Variants in SSBP3 observed in about 807,000 individuals in gnomAD.
The protein encoded by SSBP3 is single stranded DNA binding protein 3.
In SSBP3, 5 loss-of-function variants were observed where a neutral mutation model predicts 69.6. The observed-to-expected ratio is 0.07, with a 90% CI of 0.04 to 0.15. SSBP3 has a LOEUF of 0.15. SSBP3 is among the 10% of genes least tolerant of loss of function. The pLI, the probability that SSBP3 is intolerant of heterozygous loss-of-function variation, is 1.00. For missense variants in SSBP3, 312 were observed against 534.0 expected (o/e 0.58, Z 4.10); for synonymous variants, 196 against 193.4 (o/e 1.01, Z -0.11).
chr1:54,404,473 G>A, intron 3 of SSBP3, 103 bp downstream of exon 3: 7 of 1,404,806 alleles, frequency 5.0e-6, no homozygotes, highest in Non-Finnish European at 5.0e-6. Flanking sequence ...AACGCAGAGG[G>A]CCACAGGGCG....
Position 54,244,263 on chromosome 1 carries a change from C to T in SSBP3, c.652-964G>A, listed in dbSNP as rs539812422. Among the ~76,000 whole-genome samples, 367 of 152,280 alleles carry T rather than the reference C, an allele frequency of 2.4e-3. 1 individual carries two copies. Among genetic ancestry groups the T allele is most frequent in the African/African-American group, 8.3e-3 (346 of 41,550 alleles). On this transcript the variant is annotated intron_variant, in intron 9 of 17. Transcript: ENST00000610401. Reference sequence around the variant, plus strand: ...GGATTATAGGCGCCCACGACCATGTCGGGCTGATATTTGTATTTTTAGTAG... The same window carrying T: ...GGATTATAGGCGCCCACGACCATGTTGGGCTGATATTTGTATTTTTAGTAG...
chr1:54,327,292 C>T (rs1646327596), intron 4 of SSBP3, among the ~76,000 whole-genome samples: 1 of 150,826 alleles, frequency 6.6e-6, no homozygotes, highest in South Asian at 2.1e-4. Context: ...AGAACAACAA[C>T]AAAAAACCCC....
rs555488598 is a variant in SSBP3, at chr1:54,317,154, G to A, written c.277-35627C>T. Among the ~76,000 whole-genome samples, 5 of 152,266 alleles carry A rather than the reference G, an allele frequency of 3.3e-5. No individual in the cohort carries two copies. The East Asian group carries it at 9.6e-4, about 29-fold the overall frequency. The stretch of plus-strand genomic sequence containing the variant: ...ATGTACAATGGCAGGGTGGAGAGAT[G>A]GAGGACAGGAAGGAATCGCCAATTA... On this transcript the variant is annotated intron_variant, in intron 4 of 17. Transcript: ENST00000610401.
chr1:54,256,312 T>C (rs1325603360), intron 7 of SSBP3, among the ~76,000 whole-genome samples: 6 of 152,186 alleles, frequency 3.9e-5, no homozygotes, highest in Non-Finnish European at 5.9e-5. Context: ...ATAATTCTGT[T>C]TTAAAAAATT....
chr1:54,307,739 T>C (rs1645926172), intron 4 of SSBP3, among the ~76,000 whole-genome samples: 1 of 152,168 alleles, frequency 6.6e-6, no homozygotes, highest in African/African-American at 2.4e-5. Context: ...GAGTGACCTC[T>C]GGTCGTCCTC....
chr1:54,377,021 A>T (rs1289904978), intron 4 of SSBP3, among the ~76,000 whole-genome samples: 2 of 151,940 alleles, frequency 1.3e-5, no homozygotes, highest in Non-Finnish European at 2.9e-5. Context: ...CTACAGAATG[A>T]GAGAGAGGTA....
chr1:54,353,742 T>C (rs59789144), intron 4 of SSBP3, among the ~76,000 whole-genome samples: 2,040 of 152,240 alleles, frequency 0.013, 44 homozygotes, highest in African/African-American at 0.047. Context: ...GCAAACCCTG[T>C]GGAACTACAC....
intron 4 of SSBP3, among the ~76,000 whole-genome samples, chr1:54,330,176 A>G (rs1052081665): frequency 1.3e-5 from 2 of 152,104 alleles, no homozygotes; most frequent in Admixed American, 6.5e-5. Flanking sequence ...CTGAAAATCA[A>G]CCTGAGCCAG....
intron 4 of SSBP3, among the ~76,000 whole-genome samples, chr1:54,311,670 G>C (rs1646005056): frequency 6.6e-6 from 1 of 152,156 alleles, no homozygotes; most frequent in Admixed American, 6.5e-5. Flanking sequence ...GACTCAGGAG[G>C]GCAGCCTGAC....
chr1:54,271,334 C>T (rs1401260809), intron 5 of SSBP3, among the ~76,000 whole-genome samples: 1 of 152,210 alleles, frequency 6.6e-6, no homozygotes, highest in Non-Finnish European at 1.5e-5. Flanking sequence ...TGGTTTCAAA[C>T]TGGCTGCAAG....
intron 9 of SSBP3, among the ~76,000 whole-genome samples, chr1:54,248,858 T>TAC (rs1364977206): frequency 6.6e-6 from 1 of 152,080 alleles, no homozygotes; most frequent in Non-Finnish European, 1.5e-5. Flanking sequence ...CACTTTAGGG[T>TAC]CTCCACATTG....
chr1:54,364,549 T>C lies in SSBP3; in HGVS notation c.276+37312A>G, dbSNP rs375120416. On this transcript the variant is annotated intron_variant, in intron 4 of 17. Coordinates refer to ENST00000610401, the Ensembl canonical transcript of SSBP3. ...ACAAAACACCAGCAGCAGGGGAAAA[T>C]ATAAATAGAATATCAAGTCCCACAA... Among the ~76,000 whole-genome samples, 24 of 152,106 alleles carry C rather than the reference T, an allele frequency of 1.6e-4. No individual in the cohort carries two copies. The South Asian group carries it at 3.9e-3, about 25-fold the overall frequency.
intron 4 of SSBP3, among the ~76,000 whole-genome samples, chr1:54,293,034 C>T (rs1270527936): frequency 6.6e-6 from 1 of 152,114 alleles, no homozygotes; most frequent in East Asian, 1.9e-4. Context: ...CAGGTACCCA[C>T]CAAGAACCAA....
chr1:54,234,445 G>C (rs1210464753), intron 14 of SSBP3, among the ~76,000 whole-genome samples: 1 of 152,026 alleles, frequency 6.6e-6, no homozygotes, highest in Non-Finnish European at 1.5e-5. Flanking sequence ...AAAATTAGCC[G>C]GGTGTGGTGG....
chr1:54,379,385 C>T (rs1455274336), intron 4 of SSBP3, among the ~76,000 whole-genome samples: 3 of 152,314 alleles, frequency 2.0e-5, no homozygotes, highest in South Asian at 4.1e-4. Context: ...GTGGCCAGCA[C>T]CAGGACGGGG....
chr1:54,302,661 G>T (rs1025503055), intron 4 of SSBP3, among the ~76,000 whole-genome samples: 5 of 152,142 alleles, frequency 3.3e-5, no homozygotes, highest in Non-Finnish European at 1.5e-5. Flanking sequence ...CACTTAGTGG[G>T]CGCTCAATAA....
At chr1:54,382,251 A>AT (rs1218173490) in intron 4 of SSBP3, among the ~76,000 whole-genome samples, 1 of 152,236 alleles carries the variant, frequency 6.6e-6, no homozygotes, top group East Asian at 1.9e-4. Flanking sequence ...TTTATTTCTT[A>AT]TTTTTTACAG....
Position 54,227,184 on chromosome 1 carries a change from G to A in SSBP3, c.1138-24C>T, listed in dbSNP as rs752110846. 3.3e-6 allele frequency: 4 copies of A among 1,201,896 alleles called. 1 individual carries two copies. Among genetic ancestry groups the A allele is most frequent in the East Asian group, 2.7e-5 (1 of 37,192 alleles). The allele number at this position is 1,201,896 out of a possible 1,614,324, so 74.5% of individuals were successfully genotyped here. A position where few individuals can be genotyped will look rare whatever the true frequency, so the allele number is the denominator to read the frequency against. ...TACTGGAAAGGAGAAGCAGAGAAGG[G>A]GGGGGGGTGAGGATTGTGGGGAGGC... On this transcript the variant is annotated intron_variant, in intron 17 of 17. Coordinates refer to ENST00000610401, the Ensembl canonical transcript of SSBP3.
At chr1:54,366,824 C>T (rs1004342322) in intron 4 of SSBP3, among the ~76,000 whole-genome samples, 2 of 152,200 alleles carry the variant, frequency 1.3e-5, no homozygotes, top group Non-Finnish European at 2.9e-5. Context: ...TGATTGAATT[C>T]TAATAAAACT....
Sources: gnomAD v4.1 joint callset for allele counts (sites outside exome capture counted in the v4.1 genomes callset) on GRCh38, gnomAD v4.1.1 for gene constraint, MANE v1.5 for transcripts, NCBI Gene and HGNC (gene_info 2026-07-23, HGNC 2026-07-21) for gene names.